Variants in KDM2A observed in about 807,000 individuals in gnomAD.
KDM2A encodes lysine-specific demethylase 2A.
In KDM2A, 3 loss-of-function variants were observed where a neutral mutation model predicts 137.3. The ratio of observed to expected loss-of-function variants is 0.02; its 90% CI spans 0.01 to 0.06. The LOEUF (loss-of-function observed/expected upper bound fraction) is 0.06, where lower values mean the gene tolerates loss of function less well. Ranked by LOEUF, KDM2A falls within the 10% of genes least tolerant of loss-of-function variation. The pLI, the probability that KDM2A is intolerant of heterozygous loss-of-function variation, is 1.00. For synonymous variants in KDM2A, 512 were observed against 541.5 expected, an observed-to-expected ratio of 0.95 and a Z score of 0.76; for missense variants, 738 against 1,510.6, an observed-to-expected ratio of 0.49 and a Z score of 8.48.
Position 67,240,632 on chromosome 11 carries a change from G to T in KDM2A, c.1480-2377G>T, listed in dbSNP as rs570685781. Among the ~76,000 whole-genome samples the T allele has an allele frequency of 2.6e-5, 4 of 152,264 alleles. No homozygotes were observed. The South Asian group carries it at 8.3e-4, about 32-fold the overall frequency. On this transcript the variant is annotated intron_variant, in intron 12 of 20. Transcript: ENST00000529006. ...CTCTTTCCCTTCCTGTGATCTGTAG[G>T]GTGTGGGCTTGTGTTTAAATGTTCT...
chr11:67,144,461 A>C (rs896301501), intron 2 of KDM2A, among the ~76,000 whole-genome samples: 7 of 151,858 alleles, frequency 4.6e-5, no homozygotes, highest in African/African-American at 1.7e-4. Context: ...CATGTTGGTC[A>C]GGCTGGTCTT....
At chr11:67,188,507 A>G (rs1463794482) in intron 5 of KDM2A, among the ~76,000 whole-genome samples, 2 of 149,092 alleles carry the variant, frequency 1.3e-5, no homozygotes, top group East Asian at 2.0e-4. Context: ...GAAAGAAAAA[A>G]TGGTTGGGCA....
intron 19 of KDM2A, among the ~76,000 whole-genome samples, chr11:67,253,824 G>A (rs771366038): frequency 6.6e-6 from 1 of 152,228 alleles, no homozygotes; most frequent in East Asian, 1.9e-4. Flanking sequence ...CATTTTGTGA[G>A]TTGGTGGAGT....
intron 12 of KDM2A, among the ~76,000 whole-genome samples, chr11:67,241,478 C>T (rs116610196): frequency 5.7e-4 from 86 of 152,130 alleles, no homozygotes; most frequent in African/African-American, 1.9e-3. Flanking sequence ...GGAGCAGGAT[C>T]CTTAGGTTAA....
At chr11:67,214,351 C>T in intron 6 of KDM2A, among the ~76,000 whole-genome samples, 1 of 151,980 alleles carries the variant, frequency 6.6e-6, no homozygotes, top group East Asian at 1.9e-4. Context: ...ACTACGGGCG[C>T]CCGCCACCAC....
intron 5 of KDM2A, among the ~76,000 whole-genome samples, chr11:67,195,142 G>A (rs1172631840): frequency 6.6e-6 from 1 of 152,098 alleles, no homozygotes; most frequent in Admixed American, 6.6e-5. Context: ...ATGGAAGACT[G>A]TCAAGCCCAT....
intron 2 of KDM2A, among the ~76,000 whole-genome samples, chr11:67,175,147 T>C (rs1269266514): frequency 6.6e-6 from 1 of 152,232 alleles, no homozygotes; most frequent in Non-Finnish European, 1.5e-5. Flanking sequence ...CCTACTGATA[T>C]CCAGGGTTAC....
At chr11:67,206,732 G>A (rs1242468510) in intron 5 of KDM2A, among the ~76,000 whole-genome samples, 2 of 152,200 alleles carry the variant, frequency 1.3e-5, no homozygotes, top group East Asian at 1.9e-4. Context: ...GCGAGACTCC[G>A]TCTCTAAAAA....
At chr11:67,227,790 C>T (rs1211753685) in intron 10 of KDM2A, among the ~76,000 whole-genome samples, 3 of 152,052 alleles carry the variant, frequency 2.0e-5, no homozygotes, top group African/African-American at 4.8e-5. Flanking sequence ...AGGCTGGTCG[C>T]GAACTCCTGA....
rs576732731 is a variant in KDM2A, at chr11:67,193,309, A to G, written c.307+11417A>G. ...CTGGCCGAGACTTAAACTTTCAACAATCTGATGGGTATGAAAGAGAAACTT... is the reference window on the plus strand; with the variant it reads ...CTGGCCGAGACTTAAACTTTCAACAGTCTGATGGGTATGAAAGAGAAACTT... On this transcript the variant is annotated intron_variant, in intron 5 of 20. Transcript: ENST00000529006. 1.1e-4 allele frequency among the ~76,000 whole-genome samples: 17 copies of G among 152,298 alleles called. No individual in the cohort carries two copies. The South Asian group carries it at 1.5e-3, about 13-fold the overall frequency.
At chr11:67,195,034 G>A (rs1857443563) in intron 5 of KDM2A, among the ~76,000 whole-genome samples, 1 of 152,100 alleles carries the variant, frequency 6.6e-6, no homozygotes, top group African/African-American at 2.4e-5. Flanking sequence ...CCTTCAAACA[G>A]TGTAGAATAT....
intron 5 of KDM2A, among the ~76,000 whole-genome samples, chr11:67,186,991 G>A (rs1048099981): frequency 1.3e-5 from 2 of 152,168 alleles, no homozygotes; most frequent in Non-Finnish European, 2.9e-5. Flanking sequence ...TAAGGATGTG[G>A]TTTTGTGACA....
intron 6 of KDM2A, among the ~76,000 whole-genome samples, chr11:67,211,268 C>G (rs1001278265): frequency 6.6e-6 from 1 of 151,988 alleles, no homozygotes; most frequent in Non-Finnish European, 1.5e-5. Flanking sequence ...GTGTGCATTT[C>G]AGTGAGTTTT....
intron 5 of KDM2A, among the ~76,000 whole-genome samples, chr11:67,184,050 A>G (rs1485315770): frequency 6.8e-6 from 1 of 147,096 alleles, no homozygotes; most frequent in African/African-American, 2.5e-5. Flanking sequence ...GTGATATGTG[A>G]TCACACCACT....
chr11:67,227,695 G>A (rs1858591881), intron 10 of KDM2A, among the ~76,000 whole-genome samples: 2 of 151,968 alleles, frequency 1.3e-5, no homozygotes, highest in South Asian at 4.2e-4. Flanking sequence ...TCAGCCTCCC[G>A]AGTAGCTGGG....
intron 2 of KDM2A, among the ~76,000 whole-genome samples, chr11:67,129,591 G>A (rs1487840689): frequency 2.0e-5 from 3 of 151,996 alleles, no homozygotes; most frequent in Admixed American, 6.6e-5. Flanking sequence ...AAAATTAGCC[G>A]GGCGTGATGG....
At chr11:67,222,599 A>G (rs77106193) in intron 10 of KDM2A, among the ~76,000 whole-genome samples, 6 of 16 alleles carry the variant, frequency 0.38, no homozygotes, top group African/African-American at 0.5. Flanking sequence ...CACACCTCCC[A>G]GACGGGGTGG....
At chr11:67,228,472 G>A (rs1420920312) in intron 11 of KDM2A, among the ~76,000 whole-genome samples, 1 of 151,968 alleles carries the variant, frequency 6.6e-6, no homozygotes, top group East Asian at 1.9e-4. Flanking sequence ...TGGGCGAATG[G>A]CTTGAGCCCA....
At chr11:67,124,281 G>C (rs1265427060) in intron 2 of KDM2A, among the ~76,000 whole-genome samples, 1 of 152,040 alleles carries the variant, frequency 6.6e-6, no homozygotes, top group African/African-American at 2.4e-5. Context: ...TGGGATTACA[G>C]GTGTGAGCCA....
Sources: gnomAD v4.1 joint callset for allele counts (sites outside exome capture counted in the v4.1 genomes callset) on GRCh38, gnomAD v4.1.1 for gene constraint, MANE v1.5 for transcripts, NCBI Gene and HGNC (gene_info 2026-07-23, HGNC 2026-07-21) for gene names.